Variants in FRMPD3 observed in about 807,000 individuals in gnomAD.
FRMPD3 encodes the protein FERM and PDZ domain containing 3.
A neutral mutation model predicts 97.9 loss-of-function variants in FRMPD3; 42 were observed. The ratio of observed to expected loss-of-function variants is 0.43; its 90% CI spans 0.34 to 0.55. FRMPD3 has a LOEUF of 0.55. Ranked by LOEUF, FRMPD3 falls within the 20% of genes least tolerant of loss-of-function variation. FRMPD3 has a pLI of 0.03. For synonymous variants in FRMPD3, 577 were observed against 581.1 expected (o/e 0.99, Z 0.10); for missense variants, 1,303 against 1,457.7 (o/e 0.89, Z 1.73).
intron 1 of FRMPD3, among the ~76,000 whole-genome samples, chrX:107,454,610 C>T (rs1931345683): frequency 9.0e-6 from 1 of 111,632 alleles, no homozygotes; most frequent in Admixed American, 9.5e-5. Context: ...TCTTTCCTTT[C>T]CAGTCCATAA....
intron 8 of FRMPD3, among the ~76,000 whole-genome samples, chrX:107,559,520 T>C (rs1470774937): frequency 8.9e-6 from 1 of 111,834 alleles, no homozygotes; most frequent in African/African-American, 3.3e-5. Flanking sequence ...GATGATGTAT[T>C]CCTTTTCCAC....
At chrX:107,574,529 T>A (rs756266016) in intron 12 of FRMPD3, among the ~76,000 whole-genome samples, 34 of 112,256 alleles carry the variant, frequency 3.0e-4, no homozygotes, top group Non-Finnish European at 5.6e-4. Flanking sequence ...ATAGAAAATG[T>A]GTGTTGACCC....
At chrX:107,539,276 C>G (rs1569418805) in intron 4 of FRMPD3, among the ~76,000 whole-genome samples, 1 of 111,359 alleles carries the variant, frequency 9.0e-6, no homozygotes, top group African/African-American at 3.3e-5. Flanking sequence ...TTCCCAGGGC[C>G]CCTCAAACCA....
intron 3 of FRMPD3, among the ~76,000 whole-genome samples, chrX:107,532,860 A>AT (rs1923026809): frequency 8.9e-6 from 1 of 112,363 alleles, no homozygotes; most frequent in Non-Finnish European, 1.9e-5. Context: ...CTGGGAGAGA[A>AT]TTTTCATACT....
chrX:107,603,227 C>T lies in FRMPD3; in HGVS notation c.5188C>T (p.Gln1730Ter), dbSNP rs910264973. The T allele has an allele frequency of 8.7e-7, 1 of 1,153,788 alleles. No individual in the cohort carries two copies. Among genetic ancestry groups the T allele is most frequent in the South Asian group, 1.9e-5 (1 of 52,253 alleles). Residue 1730 changes from glutamine (Q) to a stop codon, truncating the protein, a stop_gained, in exon 15 of 15, where the codon CAA becomes TAA. Coordinates refer to ENST00000683843, the MANE Select transcript of FRMPD3 (RefSeq NM_001388459.1). LOFTEE classifies it high-confidence loss of function. ...QQQQQQQQQQ[Q>*]QQQQQQQQQQ... is the part of the protein sequence containing the mutation. ...ACAACAACAGCAGCAGCAGCAACAA[C>T]AACAGCAGCAGCAACAACAACAGCA...
chrX:107,490,479 T>C (rs921200364), intron 1 of FRMPD3, among the ~76,000 whole-genome samples: 1 of 112,100 alleles, frequency 8.9e-6, no homozygotes. Flanking sequence ...GCATGGAATG[T>C]TCTTCCATTT....
intron 8 of FRMPD3, among the ~76,000 whole-genome samples, chrX:107,555,732 C>T (rs988950759): frequency 7.2e-5 from 8 of 111,502 alleles, no homozygotes; most frequent in African/African-American, 2.6e-4. Flanking sequence ...TCCTAATGTG[C>T]AGCCAAAGTA....
At chrX:107,544,726 C>T (rs1192981268) in intron 4 of FRMPD3, 1 of 111,518 alleles carries the variant, frequency 9.0e-6, no homozygotes. Flanking sequence ...CAAGGGGCAC[C>T]CAGGAAAGGC....
chrX:107,490,203 GT>G (rs1166720790), intron 1 of FRMPD3, among the ~76,000 whole-genome samples: 1 of 112,125 alleles, frequency 8.9e-6, no homozygotes, highest in African/African-American at 3.2e-5. Flanking sequence ...CTATATCTCT[GT>G]TTTGGTAGCA....
intron 13 of FRMPD3, among the ~76,000 whole-genome samples, chrX:107,583,873 T>C (rs960567269): frequency 3.6e-4 from 38 of 105,051 alleles, no homozygotes; most frequent in Middle Eastern, 4.9e-3. Context: ...TTCTTTCTTT[T>C]TTTTTTTTTT....
At chrX:107,539,411 A>G (rs904678573) in intron 4 of FRMPD3, among the ~76,000 whole-genome samples, 2 of 112,362 alleles carry the variant, frequency 1.8e-5, no homozygotes, top group Non-Finnish European at 3.8e-5. Context: ...AGACCTTGGC[A>G]CACAGTAGGC....
chrX:107,503,439 C>G (rs1921961498), intron 1 of FRMPD3, among the ~76,000 whole-genome samples: 1 of 112,295 alleles, frequency 8.9e-6, no homozygotes, highest in African/African-American at 3.2e-5. Flanking sequence ...GGGGTCATAC[C>G]TCTAATTAGT....
At chrX:107,591,162 T>TTTC (rs1426909198) in intron 13 of FRMPD3, among the ~76,000 whole-genome samples, 2 of 102,804 alleles carry the variant, frequency 1.9e-5, no homozygotes, top group African/African-American at 3.5e-5. Flanking sequence ...TCTTTCTTTC[T>TTTC]TTTTTTTTTT....
rs751382488 is a variant in FRMPD3 at position 107,596,998 on chromosome X, TA to T, written c.1442-321del. Among the ~76,000 whole-genome samples the T allele has an allele frequency of 6.2e-4, 69 of 111,715 alleles. No homozygotes were observed. In the East Asian group the frequency reaches 0.019, roughly 31 times the overall value. On this transcript the variant is annotated intron_variant, in intron 13 of 14. Coordinates refer to ENST00000683843, the MANE Select transcript of FRMPD3 (RefSeq NM_001388459.1). ...GACTTTCAGATAGAGGGTATCCATGTAAGAGTCCAGCTGTGCCCAGATACCA... is the reference window on the plus strand; with the variant it reads ...GACTTTCAGATAGAGGGTATCCATGTAGAGTCCAGCTGTGCCCAGATACCA...
At chrX:107,513,036 CAG>C (rs1320934351) in intron 1 of FRMPD3, 2 of 112,201 alleles carry the variant, frequency 1.8e-5, no homozygotes, top group Non-Finnish European at 3.8e-5. Context: ...GAGGAGGGGA[CAG>C]GGGAGGGGAC....
chrX:107,560,607 T>C, intron 9 of FRMPD3, 120 bp from the exon 10 acceptor site: 1 of 936,922 alleles, frequency 1.1e-6, no homozygotes, highest in Non-Finnish European at 1.4e-6. Flanking sequence ...CCCTTTTTCT[T>C]TCTCCCAGTC....
intron 1 of FRMPD3, among the ~76,000 whole-genome samples, chrX:107,526,278 A>G (rs1368681545): frequency 9.0e-6 from 1 of 111,122 alleles, no homozygotes; most frequent in Non-Finnish European, 1.9e-5. Context: ...GAATATTTGC[A>G]TTGGGTTCCT....
rs755225568 is a variant in FRMPD3, at chrX:107,602,690, A to C, written c.4651A>C (p.Ser1551Arg). 4.1e-6 allele frequency: 5 copies of C among 1,206,196 alleles called. No individual in the cohort carries two copies. In the East Asian group the frequency reaches 1.5e-4, roughly 36 times the overall value. ...GCAGGTGCTGGATGCTGCTACCTGC[A>C]GCAGCAGCAGCCCTGAGGCCTCCCG... ...TLQVLDAATC[S>R]SSSPEASRTQ... Residue 1551 changes from serine to arginine, a missense_variant, in exon 15 of 15, where the codon AGC becomes CGC. By Grantham distance (110) the Ser-to-Arg change is moderately radical. Around this residue, in one of 3 missense-constraint regions of FRMPD3, gnomAD observed 764 missense variants for 820.2 expected, o/e 0.93. Transcript: ENST00000683843.
intron 6 of FRMPD3, among the ~76,000 whole-genome samples, chrX:107,551,233 C>T (rs889610504): frequency 9.0e-6 from 1 of 110,947 alleles, no homozygotes; most frequent in African/African-American, 3.3e-5. Flanking sequence ...AAGGCTTAGG[C>T]CTAGGTGGGT....
Sources: allele counts gnomAD v4.1 joint callset (sites outside exome capture counted in the v4.1 genomes callset), GRCh38; gene constraint gnomAD v4.1.1; regional missense constraint gnomAD v4.1.1; transcripts MANE v1.5; gene names NCBI Gene and HGNC (gene_info 2026-07-23, HGNC 2026-07-21).